The following USP9X variants were observed in gnomAD, a reference collection of about 807,000 sequenced individuals.
USP9X encodes ubiquitin specific peptidase 9 X-linked, also known as ubiquitin carboxyl-terminal hydrolase 9X.
A neutral mutation model predicts 190.3 loss-of-function variants in USP9X; 7 were observed. That is an observed-to-expected ratio of 0.04 (90% confidence interval 0.02 to 0.07). The LOEUF (loss-of-function observed/expected upper bound fraction) is 0.07. Ranked by LOEUF, USP9X falls within the 10% of genes least tolerant of loss-of-function variation. The probability of loss-of-function intolerance (pLI) is 1.00; values close to 1 mark genes in which losing one functional copy is unlikely to be tolerated. For synonymous variants in USP9X, 645 were observed against 659.5 expected (o/e 0.98, Z 0.34); for missense variants, 1,010 against 1,916.9 (o/e 0.53, Z 8.83).
chrX:41,193,477 A>G (rs1382857048), intron 26 of USP9X, among the ~76,000 whole-genome samples: 1 of 110,930 alleles, frequency 9.0e-6, no homozygotes, highest in Non-Finnish European at 1.9e-5. Flanking sequence ...AGCCTGGGCA[A>G]CATAGTGGGA....
intron 23 of USP9X, among the ~76,000 whole-genome samples, chrX:41,186,202 C>T (rs1279434677): frequency 2.7e-5 from 3 of 110,726 alleles, no homozygotes; most frequent in African/African-American, 9.9e-5. Flanking sequence ...ATGTACAATA[C>T]TTTACTGAGT....
intron 14 of USP9X, among the ~76,000 whole-genome samples, chrX:41,155,822 C>T (rs1463338645): frequency 8.9e-6 from 1 of 111,812 alleles, no homozygotes; most frequent in African/African-American, 3.3e-5. Context: ...TGTTTCCAGG[C>T]GTGGAACAGG....
At position 41,196,300 on chromosome X, in the gene USP9X, T is replaced by C; in HGVS notation, c.4027T>C (p.Cys1343Arg). The change falls in exon 27 of 45, where the codon TGT (cysteine) becomes CGT (arginine). Residue 1343 changes from cysteine (C) to arginine (R), a missense_variant. By Grantham distance (180) the Cys-to-Arg change is radical. Transcript: ENST00000378308. ...GCAGTTCTTTTTAATGTGCACCAGA[T>C]GTTGCATGGGACACCGGCCTCTACT... is the stretch of plus-strand genomic sequence containing the variant. ...QEQFFLMCTR[C>R]CMGHRPLLFF... The C allele has an allele frequency of 8.3e-7, 1 of 1,212,069 alleles. No homozygotes were observed.
intron 32 of USP9X, among the ~76,000 whole-genome samples, chrX:41,209,699 A>G (rs1260685597): frequency 1.8e-5 from 2 of 112,318 alleles, no homozygotes; most frequent in East Asian, 2.7e-4. Flanking sequence ...CAAATAATAT[A>G]TTTGATTTTA....
chrX:41,233,765 T>C lies in USP9X; in HGVS notation c.*1241T>C, dbSNP rs1396640320. 3.6e-5 allele frequency: 4 copies of C among 112,210 alleles called. No individual in the cohort carries two copies. The highest frequency in any genetic ancestry group is 1.9e-4 in the Admixed American group (2 of 10,480). The allele number at this position is 112,210 out of a possible 1,213,427, so 9.2% of individuals were successfully genotyped here. On this transcript the variant is annotated 3_prime_UTR_variant, in exon 45 of 45. Coordinates refer to ENST00000378308, the MANE Select transcript of USP9X (RefSeq NM_001039591.3). ...ACTACTGGTTGATATAATTGAGATA[T>C]TACAATTTCAGAATAAACATTTGAT... is the stretch of plus-strand genomic sequence containing the variant.
intron 11 of USP9X, 137 bp downstream of exon 11, chrX:41,144,763 A>G: frequency 4.3e-6 from 2 of 467,185 alleles, no homozygotes; most frequent in Non-Finnish European, 6.8e-6. Context: ...GAATTGGCCC[A>G]TTGTTTTCTT....
At chrX:41,174,504 C>T (rs184520989) in intron 21 of USP9X, among the ~76,000 whole-genome samples, 1 of 111,968 alleles carries the variant, frequency 8.9e-6, no homozygotes, top group East Asian at 2.8e-4. Flanking sequence ...GAATGTCCTT[C>T]AGTTTAGATT....
At chrX:41,182,168 T>G (rs2062832622) in intron 21 of USP9X, among the ~76,000 whole-genome samples, 1 of 111,530 alleles carries the variant, frequency 9.0e-6, no homozygotes, top group Admixed American at 9.5e-5. Flanking sequence ...CCCCTGGAGT[T>G]TGAGATCAGC....
chrX:41,125,548 TTATTTCTGA>T (rs780755549), intron 2 of USP9X, among the ~76,000 whole-genome samples: 8 of 106,979 alleles, frequency 7.5e-5, no homozygotes, highest in Admixed American at 2.0e-4. Flanking sequence ...TAATGCCTCC[TTATTTCTGA>T]TATTTCTGAT....
intron 30 of USP9X, among the ~76,000 whole-genome samples, chrX:41,200,239 G>T (rs1168107191): frequency 9.0e-6 from 1 of 110,615 alleles, no homozygotes; most frequent in Non-Finnish European, 1.9e-5. Context: ...CTTAATGGGG[G>T]TTAATTTTTT....
At chrX:41,185,316 CAT>C (rs1309105678) in intron 23 of USP9X, among the ~76,000 whole-genome samples, 2 of 111,746 alleles carry the variant, frequency 1.8e-5, no homozygotes, top group African/African-American at 3.3e-5. Context: ...GGTAATATCA[CAT>C]ATAATTGTTT....
At chrX:41,092,406 G>A (rs2061961154) in intron 1 of USP9X, among the ~76,000 whole-genome samples, 1 of 111,228 alleles carries the variant, frequency 9.0e-6, no homozygotes, top group African/African-American at 3.3e-5. Flanking sequence ...ACCCCAGAGA[G>A]CATGGAAGTT....
rs751804917 is a variant in USP9X, at chrX:41,175,109, A to C, written c.3148+3151A>C. On this transcript the variant is annotated intron_variant, in intron 21 of 44. Coordinates refer to ENST00000378308, the MANE Select transcript of USP9X (RefSeq NM_001039591.3). ...CAAGGAGTTATAATCTGTTACTATCATTTATCTTGATGCTGAAATGATCTC... is the reference window on the plus strand; with the variant it reads ...CAAGGAGTTATAATCTGTTACTATCCTTTATCTTGATGCTGAAATGATCTC... Among the ~76,000 whole-genome samples the C allele has an allele frequency of 2.7e-5, 3 of 112,316 alleles. 1 individual carries two copies. In the South Asian group the frequency reaches 1.1e-3, roughly 41 times the overall value.
At chrX:41,126,991 C>T (rs1015212101) in intron 2 of USP9X, among the ~76,000 whole-genome samples, 13 of 110,576 alleles carry the variant, frequency 1.2e-4, no homozygotes, top group East Asian at 2.8e-4. Flanking sequence ...GCAGAGACAC[C>T]GTGGGATGAA....
chrX:41,137,936 C>T (rs1210019024), intron 6 of USP9X, among the ~76,000 whole-genome samples: 1 of 109,920 alleles, frequency 9.1e-6, no homozygotes, highest in Non-Finnish European at 1.9e-5. Context: ...TCACAGGGCA[C>T]AAAACTTGAT....
rs749084453 is a variant in USP9X at position 41,113,740 on chromosome X, GAAA to G, written c.-158-9726_-158-9724del. Among the ~76,000 whole-genome samples, 476 of 110,169 alleles carry G rather than the reference GAAA, an allele frequency of 4.3e-3. 3 individuals are homozygous for G. The highest frequency in any genetic ancestry group is 0.015 in the African/African-American group (440 of 30,233). ...ATATTTTGGAGATTTGTGACAATTTGAAAAAAACAGGATAAACTGCATAGCTTG... is the reference window on the plus strand; with the variant it reads ...ATATTTTGGAGATTTGTGACAATTTGAAAACAGGATAAACTGCATAGCTTG... On this transcript the variant is annotated intron_variant, in intron 1 of 44. Transcript: ENST00000378308.
At chrX:41,116,238 C>T (rs150039442) in intron 1 of USP9X, among the ~76,000 whole-genome samples, 7 of 112,210 alleles carry the variant, frequency 6.2e-5, no homozygotes, top group African/African-American at 2.3e-4. Context: ...TGAAATAAAG[C>T]GTAAAACTTC....
chrX:41,197,381 A>G lies in USP9X; in HGVS notation c.4251A>G (p.Thr1417=). 9.6e-7 allele frequency: 1 copy of G among 1,041,767 alleles called. No homozygotes were observed. Among genetic ancestry groups the G allele is most frequent in the Non-Finnish European group, 1.3e-6 (1 of 795,460 alleles). The allele number at this position is 1,041,767 out of a possible 1,213,427, so 85.9% of individuals were successfully genotyped here. The change falls in exon 29 of 45, where the codon ACA becomes ACG. Residue 1417 remains threonine (T), a synonymous_variant. Coordinates refer to ENST00000378308, the MANE Select transcript of USP9X (RefSeq NM_001039591.3). ...TTTGGCAGGATGATGTTAAAAGAACAGGAGAAACGGGTATTGAAGAGACGA... is the reference window on the plus strand; with the variant it reads ...TTTGGCAGGATGATGTTAAAAGAACGGGAGAAACGGGTATTGAAGAGACGA... ...LKRIRDDVKR[T]GETGIEETIL...
rs751496538 is a variant in USP9X, at chrX:41,184,528, G to A, written c.3411G>A (p.Pro1137=). The A allele has an allele frequency of 1.2e-5, 15 of 1,210,672 alleles. No homozygotes were observed. Among genetic ancestry groups the A allele is most frequent in the Middle Eastern group, 2.3e-4 (1 of 4,351 alleles). ...LSMLTRNNFL[P]NADMETRRGA... is the part of the protein sequence containing the mutation. Reference sequence around the variant, plus strand: ...TGCTAACCAGAAATAACTTCCTACCGAATGCAGATATGGAAACTCGAAGGG... The same window carrying A: ...TGCTAACCAGAAATAACTTCCTACCAAATGCAGATATGGAAACTCGAAGGG... The change falls in exon 23 of 45, where the codon CCG becomes CCA. Residue 1137 remains proline, a synonymous_variant. Transcript: ENST00000378308.
Sources: gnomAD v4.1 joint callset for allele counts (sites outside exome capture counted in the v4.1 genomes callset) on GRCh38, gnomAD v4.1.1 for gene constraint, MANE v1.5 for transcripts, NCBI Gene and HGNC (gene_info 2026-07-23, HGNC 2026-07-21) for gene names.